Variants in CUTC observed in about 807,000 individuals in gnomAD.
CUTC encodes the protein cutC copper transporter.
A neutral mutation model predicts 36.2 loss-of-function variants in CUTC; 27 were observed. The observed-to-expected ratio is 0.75, with a 90% CI of 0.55 to 1.03. The LOEUF (loss-of-function observed/expected upper bound fraction) is 1.03, where lower values mean the gene tolerates loss of function less well. Ranked by LOEUF, CUTC falls within the 50% of genes least tolerant of loss-of-function variation. CUTC has a pLI of 0.00. For missense variants in CUTC, 315 were observed against 343.5 expected (o/e 0.92, Z 0.66); for synonymous variants, 114 against 118.3 (o/e 0.96, Z 0.24).
At chr10:99,732,906 G>A (rs997544846) in intron 1 of CUTC, among the ~76,000 whole-genome samples, 1 of 152,158 alleles carries the variant, frequency 6.6e-6, no homozygotes, top group African/African-American at 2.4e-5. Flanking sequence ...TGAGTGCCAG[G>A]GTAGCATGGC....
At chr10:99,736,111 A>G (rs1187864212) in intron 1 of CUTC, 135 bp from the exon 2 acceptor site, 8 of 633,402 alleles carry the variant, frequency 1.3e-5, no homozygotes, top group South Asian at 7.8e-5. Flanking sequence ...TATTGCATTC[A>G]TGGGCCCTAG....
intron 6 of CUTC, among the ~76,000 whole-genome samples, chr10:99,749,944 C>G (rs1392456142): frequency 6.6e-6 from 1 of 152,074 alleles, no homozygotes; most frequent in Non-Finnish European, 1.5e-5. Context: ...TTCTTCTATC[C>G]TCAGGGTTTG....
intron 6 of CUTC, among the ~76,000 whole-genome samples, chr10:99,748,374 A>G (rs771013722): frequency 7.2e-5 from 11 of 152,092 alleles, no homozygotes; most frequent in East Asian, 1.9e-4. Flanking sequence ...GCTTATTTTC[A>G]CTTTTCTATA....
At chr10:99,751,644 G>A (rs2037419151) in intron 7 of CUTC, among the ~76,000 whole-genome samples, 1 of 152,150 alleles carries the variant, frequency 6.6e-6, no homozygotes, top group Non-Finnish European at 1.5e-5. Context: ...GATCACCTGA[G>A]GTCAAGAGTT....
At chr10:99,739,907 G>A (rs2037328783) in intron 3 of CUTC, 138 bp downstream of exon 3, 1 of 671,648 alleles carries the variant, frequency 1.5e-6, no homozygotes, top group East Asian at 3.0e-5. Flanking sequence ...GTTTATGATT[G>A]TAAAAAAATC....
intron 8 of CUTC, 113 bp from the exon 9 acceptor site, chr10:99,755,512 G>T: frequency 3.0e-6 from 2 of 660,408 alleles, no homozygotes; most frequent in Non-Finnish European, 2.7e-6. Context: ...GAATATACTA[G>T]TCCAGCATAC....
chr10:99,747,671 T>G (rs1397214396), intron 6 of CUTC, among the ~76,000 whole-genome samples: 3 of 151,928 alleles, frequency 2.0e-5, no homozygotes, highest in Non-Finnish European at 4.4e-5. Context: ...GGCATTGCAG[T>G]TTTTTTTACT....
chr10:99,735,185 A>G (rs1322194762), intron 1 of CUTC, among the ~76,000 whole-genome samples: 1 of 152,104 alleles, frequency 6.6e-6, no homozygotes, highest in Non-Finnish European at 1.5e-5. Context: ...CATAAATAAT[A>G]AAAGGTAGAA....
intron 4 of CUTC, 152 bp downstream of exon 4, chr10:99,743,514 T>G: frequency 1.4e-6 from 1 of 711,764 alleles, no homozygotes; most frequent in Non-Finnish European, 2.3e-6. Context: ...TATTTAGATG[T>G]TTGGGGTGGG....
chr10:99,744,017 ATATGACTTT>A lies in CUTC; in HGVS notation c.404-19_404-11del. 1.2e-6 allele frequency: 2 copies of A among 1,606,878 alleles called. No homozygotes were observed. The highest frequency in any genetic ancestry group is 1.7e-6 in the Non-Finnish European group (2 of 1,174,754). On this transcript the variant is annotated splice_polypyrimidine_tract_variant and intron_variant, in intron 4 of 8. Transcript: ENST00000370476. ...TGATGACATCTTCATTCATGTTGTT[ATATGACTTT>A]CTTTTTATAGCTATTTGCCGCCCTC...
chr10:99,744,263 A>G (rs1288372799), intron 5 of CUTC, among the ~76,000 whole-genome samples, 191 bp downstream of exon 5: 1 of 152,182 alleles, frequency 6.6e-6, no homozygotes, highest in Non-Finnish European at 1.5e-5. Context: ...CTTAGTTATG[A>G]AAAGTTGTTA....
intron 7 of CUTC, among the ~76,000 whole-genome samples, chr10:99,753,840 A>C (rs1432292178): frequency 6.6e-6 from 1 of 152,246 alleles, no homozygotes; most frequent in African/African-American, 2.4e-5. Flanking sequence ...TACAAAGTAC[A>C]TAGTTTTAAA....
At chr10:99,750,316 C>T (rs2037406766) in intron 6 of CUTC, 53 bp from the exon 7 acceptor site, 2 of 1,358,900 alleles carry the variant, frequency 1.5e-6, no homozygotes, top group East Asian at 2.4e-5. Context: ...CCTTATTATC[C>T]CATTCAAGAG....
chr10:99,734,686 T>C (rs2037280367), intron 1 of CUTC, among the ~76,000 whole-genome samples: 1 of 152,202 alleles, frequency 6.6e-6, no homozygotes, highest in Middle Eastern at 3.2e-3. Context: ...TACATCACAC[T>C]TTGTAATATA....
chr10:99,751,133 G>A (rs943100200), intron 7 of CUTC, among the ~76,000 whole-genome samples: 1 of 151,958 alleles, frequency 6.6e-6, no homozygotes, highest in African/African-American at 2.4e-5. Flanking sequence ...TTTCTATCCT[G>A]AGGTATTTTA....
At chr10:99,742,615 A>G (rs1263285014) in intron 3 of CUTC, among the ~76,000 whole-genome samples, 1 of 152,014 alleles carries the variant, frequency 6.6e-6, no homozygotes, top group Non-Finnish European at 1.5e-5. Context: ...TGAGCTAGCC[A>G]CTTATTATGG....
intron 7 of CUTC, among the ~76,000 whole-genome samples, chr10:99,752,750 A>T (rs1479162824): frequency 1.3e-5 from 2 of 152,230 alleles, no homozygotes; most frequent in Non-Finnish European, 2.9e-5. Context: ...ATTTGTGATT[A>T]ATTTCTTTAA....
intron 7 of CUTC, among the ~76,000 whole-genome samples, chr10:99,754,161 T>C (rs1233675058): frequency 6.6e-6 from 1 of 152,232 alleles, no homozygotes; most frequent in Non-Finnish European, 1.5e-5. Flanking sequence ...AGAGGTTCTC[T>C]TTCAGACACA....
In CUTC at chr10:99,732,393, A is replaced by T. The variant is rs1303546947; in HGVS notation, c.45A>T (p.Ile15=). The change falls in exon 1 of 9, where the codon ATA becomes ATT. Residue 15 remains isoleucine (I), a synonymous_variant. Transcript: ENST00000370476. ...GASSERKRAR[I]PSGKAGAANG... ...CCTCTGAGCGAAAACGAGCGCGGAT[A>T]CCGTCCGGGAAGGCCGGTGCGGAAG... The T allele has an allele frequency of 1.3e-6, 2 of 1,552,158 alleles. No individual in the cohort carries two copies. The highest frequency in any genetic ancestry group is 1.7e-6 in the Non-Finnish European group (2 of 1,147,798).
Sources: allele counts gnomAD v4.1 joint callset (sites outside exome capture counted in the v4.1 genomes callset), GRCh38; gene constraint gnomAD v4.1.1; transcripts MANE v1.5; gene names NCBI Gene and HGNC (gene_info 2026-07-23, HGNC 2026-07-21).